The following MMP20 variants were observed in gnomAD, a reference collection of about 807,000 sequenced individuals.
MMP20 encodes matrix metallopeptidase 20, also known as matrix metalloproteinase-20.
Under a neutral mutation model 51.8 loss-of-function variants are expected in MMP20, and 50 were observed. That is an observed-to-expected ratio of 0.97 (90% CI 0.77 to 1.22). The LOEUF (loss-of-function observed/expected upper bound fraction) is 1.22, where lower values mean the gene tolerates loss of function less well. Among genes scored for constraint, MMP20 ranks in the 50% most tolerant of loss-of-function variants. The probability of loss-of-function intolerance (pLI) is 0.00; values close to 1 mark genes in which losing one functional copy is unlikely to be tolerated. For synonymous variants in MMP20, 244 were observed against 216.2 expected (o/e 1.13, Z -1.13); for missense variants, 663 against 601.4 (o/e 1.10, Z -1.07).
At chr11:102,601,125 C>CTT (rs1168517234) in intron 6 of MMP20, among the ~76,000 whole-genome samples, 775 of 28,258 alleles carry the variant, frequency 0.027, 242 homozygotes, top group African/African-American at 0.07. Context: ...GTCGGCTATT[C>CTT]TTTTTTTTTT....
At chr11:102,580,811 G>T (rs1591607472) in intron 8 of MMP20, among the ~76,000 whole-genome samples, 1 of 152,106 alleles carries the variant, frequency 6.6e-6, no homozygotes, top group Admixed American at 6.6e-5. Flanking sequence ...ACACCAAAAA[G>T]GCAGGAAGGA....
chr11:102,580,697 T>C (rs991167010), intron 8 of MMP20, among the ~76,000 whole-genome samples: 61 of 152,006 alleles, frequency 4.0e-4, no homozygotes, highest in African/African-American at 1.4e-3. Flanking sequence ...AAACACGAGG[T>C]TACCTACTTT....
chr11:102,581,149 TAC>T (rs913932718), intron 8 of MMP20, among the ~76,000 whole-genome samples: 13 of 148,744 alleles, frequency 8.7e-5, no homozygotes, highest in Admixed American at 6.1e-4. Context: ...AGAGACAATT[TAC>T]ACACACACAC....
intron 6 of MMP20, among the ~76,000 whole-genome samples, chr11:102,595,950 T>G (rs1464757821): frequency 6.6e-6 from 1 of 152,248 alleles, no homozygotes; most frequent in Non-Finnish European, 1.5e-5. Flanking sequence ...AGTGGCTAAT[T>G]TAGGAATTCT....
chr11:102,605,308 T>G (rs138452166), intron 6 of MMP20: 1 of 152,262 alleles, frequency 6.6e-6, no homozygotes, highest in Non-Finnish European at 1.5e-5. Context: ...ATTTCTGTTG[T>G]CTAAGCCACC....
intron 8 of MMP20, among the ~76,000 whole-genome samples, chr11:102,591,390 CG>C (rs1727320739): frequency 1.3e-5 from 2 of 152,264 alleles, no homozygotes; most frequent in South Asian, 4.1e-4. Flanking sequence ...ACTGAATCGC[CG>C]CTCAGAGAAA....
At chr11:102,612,778 C>T (rs1331853927) in intron 2 of MMP20, among the ~76,000 whole-genome samples, 1 of 146,050 alleles carries the variant, frequency 6.8e-6, no homozygotes, top group Non-Finnish European at 1.5e-5. Flanking sequence ...CTCTTGTCGC[C>T]CAGGCTGGAG....
chr11:102,581,897 A>G (rs1001131199), intron 8 of MMP20, among the ~76,000 whole-genome samples: 1 of 152,212 alleles, frequency 6.6e-6, no homozygotes, highest in Admixed American at 6.5e-5. Flanking sequence ...TTGAGAATCA[A>G]CTATATCTTG....
intron 8 of MMP20, among the ~76,000 whole-genome samples, chr11:102,584,372 A>G (rs1859230341): frequency 6.6e-6 from 1 of 152,176 alleles, no homozygotes; most frequent in Non-Finnish European, 1.5e-5. Context: ...CATTTTCCTC[A>G]TGACTATTGA....
chr11:102,585,091 C>T (rs1043469003), intron 8 of MMP20, among the ~76,000 whole-genome samples: 1 of 152,080 alleles, frequency 6.6e-6, no homozygotes, highest in Non-Finnish European at 1.5e-5. Flanking sequence ...GATATTTTGG[C>T]TATTCTAGGC....
At chr11:102,584,021 A>G (rs1859225733) in intron 8 of MMP20, among the ~76,000 whole-genome samples, 1 of 152,166 alleles carries the variant, frequency 6.6e-6, no homozygotes, top group African/African-American at 2.4e-5. Context: ...TTATATATCC[A>G]TTCAACACTT....
intron 8 of MMP20, 101 bp from the exon 9 acceptor site, chr11:102,579,243 G>T: frequency 1.4e-6 from 1 of 736,816 alleles, no homozygotes; most frequent in Non-Finnish European, 2.4e-6. Context: ...ACTTATTTAG[G>T]TGTTCCTCTC....
chr11:102,619,697 G>A (rs1859723168), intron 1 of MMP20, among the ~76,000 whole-genome samples: 2 of 152,124 alleles, frequency 1.3e-5, no homozygotes, highest in South Asian at 2.1e-4. Context: ...TATTATGAAA[G>A]ATATAGTCTA....
chr11:102,604,969 C>A (rs961434830), intron 6 of MMP20, among the ~76,000 whole-genome samples: 3 of 152,200 alleles, frequency 2.0e-5, no homozygotes, highest in African/African-American at 7.2e-5. Context: ...AATGGGAATG[C>A]TCTGTGTTAT....
At chr11:102,624,401 C>CATATAT (rs58212685) in intron 1 of MMP20, among the ~76,000 whole-genome samples, 123 of 140,152 alleles carry the variant, frequency 8.8e-4, no homozygotes, top group Non-Finnish European at 1.1e-3. Flanking sequence ...CGCTTGGAAG[C>CATATAT]ATATATATAT....
intron 1 of MMP20, among the ~76,000 whole-genome samples, chr11:102,622,711 G>A (rs897979799): frequency 6.6e-6 from 1 of 152,092 alleles, no homozygotes; most frequent in South Asian, 2.1e-4. Context: ...CTTCCCACCA[G>A]CTCCCTCATC....
At chr11:102,607,161 A>G (rs1354475720) in intron 5 of MMP20, 2 of 179,404 alleles carry the variant, frequency 1.1e-5, no homozygotes, top group African/African-American at 4.8e-5. Flanking sequence ...ATTTTCATAG[A>G]CTCCTTGGCA....
At chr11:102,579,357 G>C (rs1158661728) in intron 8 of MMP20, among the ~76,000 whole-genome samples, 1 of 151,676 alleles carries the variant, frequency 6.6e-6, no homozygotes, top group African/African-American at 2.4e-5. Context: ...CTGTTGCCCA[G>C]GCTGAAGTGT....
intron 2 of MMP20, among the ~76,000 whole-genome samples, chr11:102,614,021 T>C (rs1859636299): frequency 6.6e-6 from 1 of 152,246 alleles, no homozygotes; most frequent in Non-Finnish European, 1.5e-5. Flanking sequence ...AATCAGGGTC[T>C]GGAGCTTGAT....
Sources: gnomAD v4.1 joint callset for allele counts (sites outside exome capture counted in the v4.1 genomes callset) on GRCh38, gnomAD v4.1.1 for gene constraint, MANE v1.5 for transcripts, NCBI Gene and HGNC (gene_info 2026-07-23, HGNC 2026-07-21) for gene names.